Variants in TANC1 observed in about 807,000 individuals in gnomAD.
TANC1 encodes the protein protein TANC1.
A neutral mutation model predicts 149.7 loss-of-function variants in TANC1; 77 were observed. That is an observed-to-expected ratio of 0.51 (90% CI 0.43 to 0.62). The LOEUF is 0.62. Ranked by LOEUF, TANC1 falls within the 20% of genes least tolerant of loss-of-function variation. The pLI is 0.00. For missense variants in TANC1, 1,985 were observed against 2,321.8 expected, an observed-to-expected ratio of 0.85 and a Z score of 2.98; for synonymous variants, 854 against 925.0, an observed-to-expected ratio of 0.92 and a Z score of 1.39.
At chr2:159,028,522 CCTCA>C (rs2039532647) in intron 2 of TANC1, among the ~76,000 whole-genome samples, 1 of 152,104 alleles carries the variant, frequency 6.6e-6, no homozygotes, top group African/African-American at 2.4e-5. Flanking sequence ...GAGTTTGTAT[CCTCA>C]TATTTTAAAA....
chr2:159,028,089 TGGG>T (rs1015248291), intron 2 of TANC1, among the ~76,000 whole-genome samples: 2 of 152,104 alleles, frequency 1.3e-5, no homozygotes, highest in African/African-American at 4.8e-5. Context: ...ACATGAAAGT[TGGG>T]GGACACATTC....
intron 11 of TANC1, among the ~76,000 whole-genome samples, chr2:159,174,432 G>T (rs1575094823): frequency 6.6e-6 from 1 of 152,238 alleles, no homozygotes; most frequent in East Asian, 1.9e-4. Flanking sequence ...TGCAGTGTGG[G>T]TGTGGGGAGG....
chr2:159,118,039 T>C (rs1200188819), intron 4 of TANC1, among the ~76,000 whole-genome samples: 1 of 152,132 alleles, frequency 6.6e-6, no homozygotes, highest in Non-Finnish European at 1.5e-5. Context: ...TTCTCATGAT[T>C]AGACTGGAGT....
chr2:159,094,979 A>G (rs1172994627), intron 3 of TANC1, among the ~76,000 whole-genome samples: 2 of 151,360 alleles, frequency 1.3e-5, no homozygotes, highest in Non-Finnish European at 2.9e-5. Context: ...GGAGTCTCGC[A>G]CTGTTGCCCG....
chr2:159,139,772 A>G (rs1304999622), intron 5 of TANC1, among the ~76,000 whole-genome samples: 1 of 152,234 alleles, frequency 6.6e-6, no homozygotes, highest in Non-Finnish European at 1.5e-5. Context: ...CTAAGCAAAT[A>G]AAGCTAACAC....
intron 1 of TANC1, among the ~76,000 whole-genome samples, chr2:158,975,868 C>T (rs1321667227): frequency 1.4e-5 from 2 of 146,886 alleles, no homozygotes; most frequent in African/African-American, 5.0e-5. Context: ...GGGTCTCACT[C>T]TATCACCCAG....
At chr2:159,125,573 T>TCCTTCCTTCCTCCCTC (rs1553563186) in intron 4 of TANC1, among the ~76,000 whole-genome samples, 17 of 138,984 alleles carry the variant, frequency 1.2e-4, no homozygotes, top group Non-Finnish European at 1.4e-4. Context: ...ATTCCTTCCT[T>TCCTTCCTTCCTCCCTC]CCTCCCTCCC....
At chr2:159,202,719 G>C (rs751235143) in intron 19 of TANC1, among the ~76,000 whole-genome samples, 1 of 152,084 alleles carries the variant, frequency 6.6e-6, no homozygotes, top group East Asian at 1.9e-4. Context: ...CTCTTGGCTC[G>C]GTGATATTCA....
At chr2:159,039,158 C>T (rs906109481) in intron 2 of TANC1, among the ~76,000 whole-genome samples, 1 of 152,122 alleles carries the variant, frequency 6.6e-6, no homozygotes, top group African/African-American at 2.4e-5. Flanking sequence ...ATAGTATTCT[C>T]TGATTGTAGT....
At chr2:159,205,065 G>T (rs2058509941) in intron 19 of TANC1, among the ~76,000 whole-genome samples, 1 of 152,230 alleles carries the variant, frequency 6.6e-6, no homozygotes, top group Non-Finnish European at 1.5e-5. Context: ...GGCCCCTCTT[G>T]GGGGTGGGGT....
At chr2:159,147,199 CAG>C (rs2052230317) in intron 5 of TANC1, among the ~76,000 whole-genome samples, 1 of 152,210 alleles carries the variant, frequency 6.6e-6, no homozygotes, top group East Asian at 1.9e-4. Flanking sequence ...GCTCTCTACA[CAG>C]AGTGTTTCAG....
intron 1 of TANC1, among the ~76,000 whole-genome samples, chr2:158,970,040 G>A (rs550277179): frequency 3.0e-4 from 46 of 152,220 alleles, no homozygotes; most frequent in Non-Finnish European, 5.6e-4. Flanking sequence ...GGCGCGGAAA[G>A]GAAGTTCCTG....
chr2:159,230,408 C>A lies in TANC1; in HGVS notation c.4982C>A (p.Thr1661Asn). Reference sequence around the variant, plus strand: ...GACGTGCGACACCCAGCTTCCCTCACCAGCTCAGGCTCTTCTGGTTCTCCA... The same window carrying A: ...GACGTGCGACACCCAGCTTCCCTCAACAGCTCAGGCTCTTCTGGTTCTCCA... ...CSDVRHPASL[T>N]SSGSSGSPSS... Residue 1661 changes from threonine (T) to asparagine (N), a missense_variant, in exon 27 of 27, where the codon ACC (threonine) becomes AAC (asparagine). Transcript: ENST00000263635. This position sits in a 1 kb window ranked among gnomAD's most constrained non-coding sequence, Gnocchi z 4.4. The A allele has an allele frequency of 1.2e-6, 2 of 1,614,158 alleles. No homozygotes were observed. Among genetic ancestry groups the A allele is most frequent in the South Asian group, 2.2e-5 (2 of 91,082 alleles).
At chr2:159,063,601 G>C (rs1036180967) in intron 2 of TANC1, among the ~76,000 whole-genome samples, 1 of 152,178 alleles carries the variant, frequency 6.6e-6, no homozygotes, top group Non-Finnish European at 1.5e-5. Context: ...AGTTGCTCCA[G>C]GTCGCAGTTT....
chr2:159,111,516 A>G (rs898181929), intron 4 of TANC1, among the ~76,000 whole-genome samples: 3 of 152,240 alleles, frequency 2.0e-5, no homozygotes, highest in African/African-American at 7.2e-5. Context: ...TTGTTCTGCC[A>G]TTTAAACAGA....
At chr2:159,025,275 T>C (rs1471524691) in intron 2 of TANC1, among the ~76,000 whole-genome samples, 1 of 148,722 alleles carries the variant, frequency 6.7e-6, no homozygotes, top group Non-Finnish European at 1.5e-5. Context: ...TTTTTCCTTT[T>C]CTTTTCTTTT....
chr2:158,999,583 G>A (rs772498178), intron 1 of TANC1, among the ~76,000 whole-genome samples: 6 of 152,074 alleles, frequency 3.9e-5, no homozygotes, highest in South Asian at 4.1e-4. Context: ...TATTTTGGGC[G>A]TTCTGTTTTT....
At chr2:159,002,671 T>C (rs894276676) in intron 2 of TANC1, among the ~76,000 whole-genome samples, 5 of 152,212 alleles carry the variant, frequency 3.3e-5, no homozygotes, top group African/African-American at 1.2e-4. Flanking sequence ...TGTGAGCTGC[T>C]GAGGAGGGAA....
chr2:159,160,728 G>C (rs558122995), intron 7 of TANC1, among the ~76,000 whole-genome samples: 4 of 152,284 alleles, frequency 2.6e-5, no homozygotes, highest in Admixed American at 2.0e-4. Flanking sequence ...CCCTGCCTCT[G>C]AGAACCCTGG....
Sources: allele counts gnomAD v4.1 joint callset (sites outside exome capture counted in the v4.1 genomes callset), GRCh38; gene constraint gnomAD v4.1.1; non-coding constraint Gnocchi (gnomAD v3.1); transcripts MANE v1.5; gene names NCBI Gene and HGNC (gene_info 2026-07-23, HGNC 2026-07-21).